Variants in HNRNPF observed in about 807,000 individuals in gnomAD.
The protein encoded by HNRNPF is heterogeneous nuclear ribonucleoprotein F, also known as HnRNP F protein.
Under a neutral mutation model 26.0 loss-of-function variants are expected in HNRNPF, and 2 were observed. That is an observed-to-expected ratio of 0.08 (90% confidence interval 0.03 to 0.24). HNRNPF has a LOEUF of 0.24. Among genes scored for constraint, HNRNPF ranks in the 10% least tolerant of loss-of-function variants. HNRNPF has a pLI of 1.00. For missense variants in HNRNPF, 299 were observed against 539.2 expected, an observed-to-expected ratio of 0.55 and a Z score of 4.41; for synonymous variants, 234 against 211.5, an observed-to-expected ratio of 1.11 and a Z score of -0.92.
chr10:43,407,817 C>G (rs1483533135), intron 1 of HNRNPF: 1 of 152,170 alleles, frequency 6.6e-6, no homozygotes, highest in African/African-American at 2.4e-5. Context: ...GCTACGGGAA[C>G]CGGGCGTGGG....
chr10:43,407,766 C>G, intron 1 of HNRNPF: 1 of 152,244 alleles, frequency 6.6e-6, no homozygotes, highest in East Asian at 1.9e-4. Flanking sequence ...GGACACGCGG[C>G]GCAGCCGAGG....
intron 1 of HNRNPF, chr10:43,407,639 C>CA (rs1264694106): frequency 1.4e-5 from 2 of 145,822 alleles, no homozygotes; most frequent in Non-Finnish European, 3.0e-5. Flanking sequence ...TACAAACAAA[C>CA]AAAAGGAAAA....
chr10:43,404,388 A>G (rs1838848064), intron 1 of HNRNPF, among the ~76,000 whole-genome samples: 1 of 152,182 alleles, frequency 6.6e-6, no homozygotes, highest in African/African-American at 2.4e-5. Flanking sequence ...ATGAAAAGGA[A>G]TCGATTATTA....
At chr10:43,406,244 AC>A (rs1005684505) in intron 1 of HNRNPF, among the ~76,000 whole-genome samples, 2 of 151,804 alleles carry the variant, frequency 1.3e-5, no homozygotes, top group Admixed American at 6.6e-5. Context: ...GCAGGCATCT[AC>A]CCCCACCGGG....
Position 43,385,984 on chromosome 10 carries a change from C to T in HNRNPF, c.*653G>A, listed in dbSNP as rs562975768. ...TTAAAATGAATTATCTTCAACCACCCGTTTTGCTATCTTTTGCTGAGTAAT... is the reference window on the plus strand; with the variant it reads ...TTAAAATGAATTATCTTCAACCACCTGTTTTGCTATCTTTTGCTGAGTAAT... On this transcript the variant is annotated 3_prime_UTR_variant, in exon 4 of 4. Transcript: ENST00000682386. 6 of 152,680 alleles carry T rather than the reference C, an allele frequency of 3.9e-5. No homozygotes were observed. Among genetic ancestry groups the T allele is most frequent in the Admixed American group, 6.5e-5 (1 of 15,290 alleles). The allele number at this position is 152,680 out of a possible 1,614,324, so 9.5% of individuals were successfully genotyped here.
At chr10:43,401,647 A>G (rs540961061) in intron 1 of HNRNPF, among the ~76,000 whole-genome samples, 33 of 152,336 alleles carry the variant, frequency 2.2e-4, no homozygotes, top group Middle Eastern at 6.8e-3. Context: ...CTAAACAAAA[A>G]TACAATTGAT....
At chr10:43,399,520 G>A (rs1050035267) in intron 1 of HNRNPF, among the ~76,000 whole-genome samples, 1 of 152,182 alleles carries the variant, frequency 6.6e-6, no homozygotes, top group African/African-American at 2.4e-5. Flanking sequence ...AGATGACATA[G>A]CCTTAAAGGC....
At chr10:43,405,966 GTTGGGACTGGGTCCCAAGTCCCAA>G (rs2131993114) in intron 1 of HNRNPF, among the ~76,000 whole-genome samples, 1 of 152,210 alleles carries the variant, frequency 6.6e-6, no homozygotes, top group South Asian at 2.1e-4. Context: ...TTGGGACCCA[GTTGGGACTGGGTCCCAAGTCCCAA>G]TTGTGTCCCT....
chr10:43,404,097 G>A (rs1838836015), intron 1 of HNRNPF, among the ~76,000 whole-genome samples: 1 of 151,932 alleles, frequency 6.6e-6, no homozygotes, highest in South Asian at 2.1e-4. Flanking sequence ...AGGAGTTTGA[G>A]ACCAGCCTGG....
chr10:43,397,679 A>C (rs149263745), intron 1 of HNRNPF, among the ~76,000 whole-genome samples: 1 of 152,374 alleles, frequency 6.6e-6, no homozygotes, highest in Non-Finnish European at 1.5e-5. Context: ...CGCAATTCCT[A>C]AACTTTTAAC....
At chr10:43,407,168 G>A (rs1466500282) in intron 1 of HNRNPF, among the ~76,000 whole-genome samples, 1 of 151,530 alleles carries the variant, frequency 6.6e-6, no homozygotes, top group East Asian at 1.9e-4. Context: ...AGAACTCCCT[G>A]CCGCCTGAGG....
At chr10:43,398,405 G>A (rs1365224109) in intron 1 of HNRNPF, among the ~76,000 whole-genome samples, 2 of 146,852 alleles carry the variant, frequency 1.4e-5, no homozygotes, top group African/African-American at 2.6e-5. Context: ...GCAATGGCAC[G>A]ATCTCGGCTC....
intron 3 of HNRNPF, among the ~76,000 whole-genome samples, chr10:43,391,760 T>C (rs1414796486): frequency 6.6e-6 from 1 of 152,154 alleles, no homozygotes; most frequent in Non-Finnish European, 1.5e-5. Context: ...CCCGGAGCCA[T>C]GCTTTCTTCT....
In HNRNPF at chr10:43,387,819, G is replaced by A. The variant is rs747867170; in HGVS notation, c.66C>T (p.Cys22=). Residue 22 remains cysteine, a synonymous_variant, in exon 4 of 4, where the codon TGC becomes TGT. Transcript: ENST00000682386. The surrounding 1 kb of genome is among the most constrained non-coding windows in gnomAD (Gnocchi z 6.0). ...GGAAGTTCTGCACGTCCTCAACAGAGCAGGACCAGGGCAGGCCACGGAGCT... is the reference window on the plus strand; with the variant it reads ...GGAAGTTCTGCACGTCCTCAACAGAACAGGACCAGGGCAGGCCACGGAGCT... ...VVKLRGLPWS[C]SVEDVQNFLS... is the part of the protein sequence containing the mutation. The A allele has an allele frequency of 3.1e-6, 5 of 1,614,080 alleles. No individual in the cohort carries two copies. Among genetic ancestry groups the A allele is most frequent in the Non-Finnish European group, 1.7e-6 (2 of 1,180,028 alleles).
chr10:43,406,997 A>G (rs908581883), intron 1 of HNRNPF, among the ~76,000 whole-genome samples: 2 of 152,196 alleles, frequency 1.3e-5, no homozygotes, highest in African/African-American at 4.8e-5. Flanking sequence ...GGTATCTTTC[A>G]CCTACCTGGA....
intron 1 of HNRNPF, among the ~76,000 whole-genome samples, chr10:43,400,184 A>G (rs1049935898): frequency 5.9e-5 from 9 of 152,318 alleles, no homozygotes; most frequent in African/African-American, 1.9e-4. Context: ...TCCCATCTCT[A>G]TATAGGAAAA....
At chr10:43,403,824 C>T (rs1838827827) in intron 1 of HNRNPF, among the ~76,000 whole-genome samples, 1 of 151,202 alleles carries the variant, frequency 6.6e-6, no homozygotes, top group African/African-American at 2.4e-5. Context: ...AAAACCCCTT[C>T]TCTACAAAAA....
At chr10:43,392,485 G>A (rs1268624044) in intron 3 of HNRNPF, among the ~76,000 whole-genome samples, 3 of 152,196 alleles carry the variant, frequency 2.0e-5, no homozygotes, top group African/African-American at 7.2e-5. Context: ...GTTGCAGTGA[G>A]CTGAGATCGT....
intron 1 of HNRNPF, chr10:43,408,758 C>G (rs1839010918): frequency 6.6e-6 from 1 of 152,288 alleles, no homozygotes; most frequent in Admixed American, 6.5e-5. Flanking sequence ...CTCCCGCTCT[C>G]ATATCAGGCA....
Sources: gnomAD v4.1 joint callset for allele counts (sites outside exome capture counted in the v4.1 genomes callset) on GRCh38, gnomAD v4.1.1 for gene constraint, Gnocchi (gnomAD v3.1) non-coding constraint, MANE v1.5 for transcripts, NCBI Gene and HGNC (gene_info 2026-07-23, HGNC 2026-07-21) for gene names.